Variants in IL1RAPL2 observed in about 807,000 individuals in gnomAD.
IL1RAPL2 encodes the protein interleukin 1 receptor accessory protein like 2.
IL1RAPL2 carries 3 observed loss-of-function variants against 44.1 expected under a neutral mutation model. The ratio of observed to expected loss-of-function variants is 0.07; its 90% CI spans 0.03 to 0.18. The LOEUF (loss-of-function observed/expected upper bound fraction) is 0.18, where lower values mean the gene tolerates loss of function less well. IL1RAPL2 is among the 10% of genes least tolerant of loss of function. The pLI, the probability that IL1RAPL2 is intolerant of heterozygous loss-of-function variation, is 1.00. For missense variants in IL1RAPL2, 391 were observed against 496.4 expected, an observed-to-expected ratio of 0.79 and a Z score of 2.02; for synonymous variants, 181 against 178.8, an observed-to-expected ratio of 1.01 and a Z score of -0.10.
chrX:105,009,123 A>G (rs2030998704), intron 2 of IL1RAPL2, among the ~76,000 whole-genome samples: 1 of 111,632 alleles, frequency 9.0e-6, no homozygotes, highest in Admixed American at 9.5e-5. Context: ...GGATGTGGAG[A>G]AATAGGAATG....
At chrX:104,916,046 A>T (rs1248438174) in intron 2 of IL1RAPL2, among the ~76,000 whole-genome samples, 1 of 111,808 alleles carries the variant, frequency 8.9e-6, no homozygotes, top group Non-Finnish European at 1.9e-5. Flanking sequence ...TGACTTGGCC[A>T]TGTGGGCTCT....
At chrX:105,227,232 TAAA>T (rs1186811610) in intron 3 of IL1RAPL2, among the ~76,000 whole-genome samples, 1 of 111,191 alleles carries the variant, frequency 9.0e-6, no homozygotes, top group African/African-American at 3.3e-5. Context: ...AATAATAAAA[TAAA>T]AAAATTATGA....
chrX:105,250,481 G>T (rs1232564143), intron 4 of IL1RAPL2, among the ~76,000 whole-genome samples: 1 of 110,530 alleles, frequency 9.0e-6, no homozygotes, highest in Non-Finnish European at 1.9e-5. Context: ...CTTGATGTGA[G>T]AGTTTGGAGG....
chrX:105,059,205 A>G (rs1370170254), intron 2 of IL1RAPL2, among the ~76,000 whole-genome samples: 1 of 111,901 alleles, frequency 8.9e-6, no homozygotes, highest in African/African-American at 3.2e-5. Flanking sequence ...GTGCTATCAA[A>G]TACTATATCT....
At chrX:105,621,977 G>A (rs1024668772) in intron 6 of IL1RAPL2, among the ~76,000 whole-genome samples, 1 of 109,632 alleles carries the variant, frequency 9.1e-6, no homozygotes, top group Non-Finnish European at 1.9e-5. Context: ...GTATATGGGG[G>A]GATGGGGAAG....
chrX:105,752,366 G>A lies in IL1RAPL2; in HGVS notation c.1193-2811G>A, dbSNP rs776028614. On this transcript the variant is annotated intron_variant, in intron 9 of 10. Coordinates refer to ENST00000372582, the MANE Select transcript of IL1RAPL2 (RefSeq NM_017416.2). ...GGCTTCTTGATAGGGAACAGGATTC[G>A]AATCAGATTTTAAAACAGAAAAGGA... Among the ~76,000 whole-genome samples the A allele has an allele frequency of 2.0e-4, 22 of 112,412 alleles. No individual in the cohort carries two copies. In the South Asian group the frequency reaches 8.1e-3, roughly 41 times the overall value.
intron 2 of IL1RAPL2, among the ~76,000 whole-genome samples, chrX:104,708,786 A>C (rs189983489): frequency 2.6e-4 from 29 of 110,849 alleles, no homozygotes; most frequent in African/African-American, 7.8e-4. Flanking sequence ...TAAAGTTGTT[A>C]TAATCAGCCT....
intron 5 of IL1RAPL2, among the ~76,000 whole-genome samples, chrX:105,347,425 G>T (rs771818435): frequency 9.0e-6 from 1 of 111,322 alleles, no homozygotes; most frequent in South Asian, 3.8e-4. Context: ...TTTGCCTGGA[G>T]GATTAAGCAA....
chrX:104,769,161 C>T (rs1270257496), intron 2 of IL1RAPL2, among the ~76,000 whole-genome samples: 3 of 111,621 alleles, frequency 2.7e-5, no homozygotes, highest in Non-Finnish European at 5.6e-5. Context: ...CCCCTTATCA[C>T]CTATCTCATT....
At chrX:105,009,362 A>G (rs2031003729) in intron 2 of IL1RAPL2, among the ~76,000 whole-genome samples, 1 of 110,086 alleles carries the variant, frequency 9.1e-6, no homozygotes, top group Non-Finnish European at 1.9e-5. Context: ...ATGTCCAACA[A>G]TGATAGACTG....
intron 1 of IL1RAPL2, among the ~76,000 whole-genome samples, chrX:104,638,120 A>C (rs1351486424): frequency 9.1e-6 from 1 of 110,187 alleles, no homozygotes; most frequent in East Asian, 2.8e-4. Context: ...GAACTTATCC[A>C]TTTTCTCCAG....
chrX:104,617,419 G>T (rs748719224), intron 1 of IL1RAPL2, among the ~76,000 whole-genome samples: 43 of 111,985 alleles, frequency 3.8e-4, no homozygotes, highest in Non-Finnish European at 7.5e-4. Context: ...TCTCTAGCAC[G>T]ATTAGGGAAA....
intron 8 of IL1RAPL2, among the ~76,000 whole-genome samples, chrX:105,742,671 T>G (rs953721315): frequency 9.0e-6 from 1 of 111,338 alleles, no homozygotes; most frequent in Admixed American, 9.6e-5. Context: ...TCCCCTCTTC[T>G]CACTCATTCA....
intron 6 of IL1RAPL2, among the ~76,000 whole-genome samples, chrX:105,536,188 G>T (rs1434830304): frequency 9.1e-6 from 1 of 109,864 alleles, no homozygotes; most frequent in Non-Finnish European, 1.9e-5. Flanking sequence ...CTGTTATCTT[G>T]GTGAATATAA....
intron 2 of IL1RAPL2, among the ~76,000 whole-genome samples, chrX:104,882,541 C>A (rs1296014718): frequency 9.0e-6 from 1 of 111,417 alleles, no homozygotes; most frequent in Non-Finnish European, 1.9e-5. Context: ...GTAAACACAC[C>A]AATCAGTGCT....
chrX:104,915,318 G>C (rs1231821705), intron 2 of IL1RAPL2, among the ~76,000 whole-genome samples: 1 of 110,499 alleles, frequency 9.0e-6, no homozygotes, highest in Non-Finnish European at 1.9e-5. Flanking sequence ...GATGGCCAGT[G>C]ATGATGAGCA....
chrX:105,421,769 C>A (rs1226430743), intron 5 of IL1RAPL2, among the ~76,000 whole-genome samples: 1 of 111,667 alleles, frequency 9.0e-6, no homozygotes, highest in Admixed American at 9.5e-5. Flanking sequence ...CTGTTATTTT[C>A]TTCTGAAGTT....
At chrX:104,580,804 A>G (rs1460030392) in intron 1 of IL1RAPL2, among the ~76,000 whole-genome samples, 1 of 111,964 alleles carries the variant, frequency 8.9e-6, no homozygotes, top group African/African-American at 3.3e-5. Flanking sequence ...TCTGAGTGTC[A>G]TTAGACATTT....
chrX:104,895,227 G>A (rs1923605639), intron 2 of IL1RAPL2, among the ~76,000 whole-genome samples: 1 of 112,442 alleles, frequency 8.9e-6, no homozygotes, highest in East Asian at 2.8e-4. Flanking sequence ...GACTACTCGG[G>A]GGTCAGGGAC....
Sources: allele counts gnomAD v4.1 joint callset (sites outside exome capture counted in the v4.1 genomes callset), GRCh38; gene constraint gnomAD v4.1.1; transcripts MANE v1.5; gene names NCBI Gene and HGNC (gene_info 2026-07-23, HGNC 2026-07-21).